The following PKD1 variants were observed in gnomAD, a reference collection of about 807,000 sequenced individuals.
PKD1 encodes the protein polycystin-1.
Under a neutral mutation model 361.7 loss-of-function variants are expected in PKD1, and 81 were observed. The observed-to-expected ratio is 0.22, with a 90% CI of 0.19 to 0.27. The LOEUF (loss-of-function observed/expected upper bound fraction) is 0.27. Among genes scored for constraint, PKD1 ranks in the 10% least tolerant of loss-of-function variants. PKD1 has a pLI of 1.00. For synonymous variants in PKD1, 3,615 were observed against 2,818.3 expected, an observed-to-expected ratio of 1.28 and a Z score of -8.95; for missense variants, 6,399 against 6,118.3, an observed-to-expected ratio of 1.05 and a Z score of -1.53.
At chr16:2,126,365 G>A (rs976525600) in intron 1 of PKD1, among the ~76,000 whole-genome samples, 1 of 152,268 alleles carries the variant, frequency 6.6e-6, no homozygotes, top group African/African-American at 2.4e-5. Context: ...AGATCATGGC[G>A]CTGCTAAGGT....
rs1203417892 is a variant in PKD1 at position 2,123,552 on chromosome 16, G to A, written c.216-4174C>T. The A allele has an allele frequency of 4.2e-5, 19 of 455,540 alleles. No individual in the cohort carries two copies. In the East Asian group the frequency reaches 1.0e-3, roughly 25 times the overall value. The allele number at this position is 455,540 out of a possible 1,614,324, so 28.2% of individuals were successfully genotyped here. A position where few individuals can be genotyped will look rare whatever the true frequency, so the allele number is the denominator to read the frequency against. On this transcript the variant is annotated intron_variant, in intron 1 of 45. Coordinates refer to ENST00000262304, the MANE Select transcript of PKD1 (RefSeq NM_001009944.3). ...CGCCAAGGCCTAGCCAGGCAGCCTC[G>A]CGCCAGCCCCCCCACCCCGCCCCTC...
rs2091471442 is a variant in PKD1, at chr16:2,090,757, A to C, written c.12055T>G (p.Leu4019Val). ...VRQWSVFGKTLCRALPELLGV... is the reference protein window; with the variant it reads ...VRQWSVFGKTVCRALPELLGV... The stretch of plus-strand genomic sequence containing the variant: ...AGGAGCTCTGGCAGAGCTCGGCATA[A>C]TGTCTTGCCAAAGACGGACCACTGG... The change falls in exon 44 of 46, where the codon TTA becomes GTA. Residue 4019 changes from leucine to valine, a missense_variant. Transcript: ENST00000262304. 1 of 1,612,458 alleles carries C rather than the reference A, an allele frequency of 6.2e-7. No individual in the cohort carries two copies. Among genetic ancestry groups the C allele is most frequent in the South Asian group, 1.1e-5 (1 of 91,092 alleles).
Position 2,088,899 on chromosome 16 carries a change from AGT to A in PKD1, c.*826_*827del. On this transcript the variant is annotated 3_prime_UTR_variant, in exon 46 of 46. Coordinates refer to ENST00000262304, the MANE Select transcript of PKD1 (RefSeq NM_001009944.3). ...CGCGCGCGCACACACACACACACAC[AGT>A]CACCTTCCTCCACCCTGGGAGCCAG... is the stretch of plus-strand genomic sequence containing the variant. The A allele has an allele frequency of 3.3e-5, 14 of 420,722 alleles. No homozygotes were observed. The highest frequency in any genetic ancestry group is 6.0e-5 in the African/African-American group (3 of 49,606). 26.1% of individuals were successfully genotyped at this position (420,722 alleles called of 1,614,324 possible). A position where few individuals can be genotyped will look rare whatever the true frequency, so the allele number is the denominator to read the frequency against.
At chr16:2,119,044 C>T (rs1183596940) in intron 3 of PKD1, 70 bp downstream of exon 3, 4 of 976,564 alleles carry the variant, frequency 4.1e-6, no homozygotes, top group East Asian at 2.6e-5. Context: ...CACGGACCAA[C>T]TGGGAGGGCA....
At chr16:2,094,036 G>C (rs541052149) in intron 35 of PKD1, 23 bp from the exon 36 acceptor site, 3 of 1,592,100 alleles carry the variant, frequency 1.9e-6, no homozygotes, top group Admixed American at 1.7e-5. Context: ...AGACAGACCT[G>C]TGAGAGGCAG....
chr16:2,110,428 T>C lies in PKD1; in HGVS notation c.4739A>G (p.Tyr1580Cys). 2.5e-6 allele frequency: 4 copies of C among 1,612,584 alleles called. No homozygotes were observed. The highest frequency in any genetic ancestry group is 3.4e-6 in the Non-Finnish European group (4 of 1,179,838). The change falls in exon 15 of 46, where the codon TAT (tyrosine) becomes TGT (cysteine). Residue 1580 changes from tyrosine to cysteine, a missense_variant. Transcript: ENST00000262304. Reference protein sequence around the residue: ...TSLEAGSDVRYSWVLCDRCTP... With the variant: ...TSLEAGSDVRCSWVLCDRCTP... ...GCAGCGGTCACAGAGCACCCAGGAA[T>C]AGCGCACATCACTGCCGGCCTCCAG...
chr16:2,092,695 G>C, intron 38 of PKD1, 103 bp from the exon 39 acceptor site: 2 of 920,740 alleles, frequency 2.2e-6, no homozygotes, highest in South Asian at 2.8e-5. Context: ...CTGCCCTGCT[G>C]GCCACGGCTA....
chr16:2,110,191 C>T lies in PKD1; in HGVS notation c.4976G>A (p.Gly1659Asp). Residue 1659 changes from glycine (G) to aspartate (D), a missense_variant, in exon 15 of 46, where the codon GGC becomes GAC. Gly to Asp is a moderately conservative substitution (Grantham distance 94). Coordinates refer to ENST00000262304, the MANE Select transcript of PKD1 (RefSeq NM_001009944.3). ...AGTCCAGCTGTAGGAGACGTTGGTG[C>T]CATCCCTAACCACGGCCTGCAGCTG... ...TVQLQAVVRD[G>D]TNVSYSWTAW... 3 of 1,611,296 alleles carry T rather than the reference C, an allele frequency of 1.9e-6. No individual in the cohort carries two copies. Among genetic ancestry groups the T allele is most frequent in the Non-Finnish European group, 2.5e-6 (3 of 1,179,776 alleles).
chr16:2,119,967 C>A, intron 1 of PKD1: 1 of 603,324 alleles, frequency 1.7e-6, no homozygotes, highest in African/African-American at 1.9e-5. Context: ...TAACACAGCA[C>A]CGTGGGAGCT....
chr16:2,089,721 G>T lies in PKD1; in HGVS notation c.*6C>A. On this transcript the variant is annotated 3_prime_UTR_variant, in exon 46 of 46. Coordinates refer to ENST00000262304, the MANE Select transcript of PKD1 (RefSeq NM_001009944.3). The stretch of plus-strand genomic sequence containing the variant: ...CTCCACGGCCCACCCCCGCCAGGAA[G>T]GAGGACTAAGTGCTGCTGGGGTGGA... 1 of 1,576,882 alleles carries T rather than the reference G, an allele frequency of 6.3e-7. No homozygotes were observed. Among genetic ancestry groups the T allele is most frequent in the East Asian group, 2.3e-5 (1 of 43,572 alleles).
In PKD1 at chr16:2,108,758, C is replaced by A; in HGVS notation, c.6409G>T (p.Ala2137Ser). Residue 2137 changes from alanine to serine, a missense_variant, in exon 15 of 46, where the codon GCC becomes TCC. Transcript: ENST00000262304. The part of the protein sequence containing the change: ...SNLVSFFVAQ[A>S]TVTVQVLACR... ...GCCAGCACCTGGACGGTCACCGTGG[C>A]CTGCGCCACGAAGAAGCTCACCAGG... The A allele has an allele frequency of 6.4e-7, 1 of 1,570,384 alleles. No individual in the cohort carries two copies. Among genetic ancestry groups the A allele is most frequent in the Non-Finnish European group, 8.6e-7 (1 of 1,159,072 alleles).
intron 26 of PKD1, 60 bp downstream of exon 26, chr16:2,102,001 G>A: frequency 2.8e-6 from 3 of 1,089,514 alleles, no homozygotes; most frequent in Admixed American, 2.0e-5. Context: ...CTCCCAGAGG[G>A]TGCAACCAGC....
Position 2,100,982 on chromosome 16 carries a change from GTATT to G in PKD1, c.9398-420_9398-417del, listed in dbSNP as rs1377860846. On this transcript the variant is annotated intron_variant, in intron 26 of 45. Coordinates refer to ENST00000262304, the MANE Select transcript of PKD1 (RefSeq NM_001009944.3). This position sits in a 1 kb window ranked among gnomAD's most constrained non-coding sequence, Gnocchi z 4.4. ...CTCCCAGTGACAGACCCAGGTGACA[GTATT>G]TTTTTTCTTTTTTTTTTGAGATGGA... 1.3e-5 allele frequency among the ~76,000 whole-genome samples: 2 copies of G among 152,024 alleles called. No individual in the cohort carries two copies. The highest frequency in any genetic ancestry group is 2.9e-5 in the Non-Finnish European group (2 of 68,014).
rs558240398 is a variant in PKD1 at position 2,091,138 on chromosome 16, C to A, written c.11749G>T (p.Ala3917Ser). 2 of 1,483,088 alleles carry A rather than the reference C, an allele frequency of 1.3e-6. No individual in the cohort carries two copies. Among genetic ancestry groups the A allele is most frequent in the Non-Finnish European group, 1.8e-6 (2 of 1,124,512 alleles). The allele number at this position is 1,483,088 out of a possible 1,614,324, so 91.9% of individuals were successfully genotyped here. The change falls in exon 43 of 46, where the codon GCC becomes TCC. Residue 3917 changes from alanine (A) to serine (S), a missense_variant. Physicochemically the swap from Ala to Ser is moderately conservative, Grantham distance 99. Transcript: ENST00000262304. ...LLLFAVHFAV[A>S]EARTWHREGR... ...TCCCTGTGCCAAGTACGGGCCTCGG[C>A]CACGGCGAAGTGCACGGCGAACAGC...
rs752787455 is a variant in PKD1 at position 2,089,982 on chromosome 16, G to A, written c.12657C>T (p.Phe4219=). The A allele has an allele frequency of 9.9e-6, 16 of 1,611,780 alleles. No homozygotes were observed. Among genetic ancestry groups the A allele is most frequent in the East Asian group, 6.7e-5 (3 of 44,838 alleles). ...GGTCAAACTGGGTGAGCAGGGCCTC[G>A]AACACGGCTTGGAGGCGGGAGGGCT... ...EPEPSRLQAV[F]EALLTQFDRL... is the part of the protein sequence containing the mutation. Residue 4219 remains phenylalanine, a synonymous_variant, in exon 46 of 46, where the codon TTC becomes TTT. Transcript: ENST00000262304.
chr16:2,119,155 T>G lies in PKD1; in HGVS notation c.318A>C (p.Leu106Phe). 1 of 1,505,876 alleles carries G rather than the reference T, an allele frequency of 6.6e-7. No individual in the cohort carries two copies. The highest frequency in any genetic ancestry group is 2.3e-4 in the Middle Eastern group (1 of 4,260). 93.3% of individuals were successfully genotyped at this position (1,505,876 alleles called of 1,614,324 possible). Residue 106 changes from leucine (L) to phenylalanine (F), a missense_variant, in exon 3 of 46, where the codon TTA (leucine) becomes TTC (phenylalanine). Leu to Phe is a conservative substitution (Grantham distance 22). Transcript: ENST00000262304. The stretch of plus-strand genomic sequence containing the variant: ...ATAAATTAGCAAATATTCCTTCTTC[T>G]AACGTAGAAATCTTGTTGTTGCTTA... Reference protein sequence around the residue: ...LDISNNKISTLEEGIFANLFN... With the variant: ...LDISNNKISTFEEGIFANLFN...
rs765414452 is a variant in PKD1, at chr16:2,090,524, T to A, written c.12205A>T (p.Thr4069Ser). The A allele has an allele frequency of 4.6e-5, 74 of 1,610,460 alleles. No individual in the cohort carries two copies. The highest frequency in any genetic ancestry group is 6.7e-5 in the Admixed American group (4 of 59,842). Residue 4069 changes from threonine to serine, a missense_variant, in exon 45 of 46, where the codon ACT (threonine) becomes TCT (serine). Physicochemically the swap from Thr to Ser is moderately conservative, Grantham distance 58. Coordinates refer to ENST00000262304, the MANE Select transcript of PKD1 (RefSeq NM_001009944.3). ...AQALLVLCPG[T>S]GLSTLCPAES... Reference sequence around the variant, plus strand: ...GCAGGACACAGGGTAGAGAGCCCAGTCCCAGGGCACAGCACCAACAGGGCC... The same window carrying A: ...GCAGGACACAGGGTAGAGAGCCCAGACCCAGGGCACAGCACCAACAGGGCC...
rs1175168891 is a variant in PKD1, at chr16:2,116,101, G to A, written c.1740C>T (p.Gly580=). ...HEPVEVMVFP[G]LRLSREAFLT... is the part of the protein sequence containing the mutation. ...GGAAGGCTTCACGGCTCAGACGCAG[G>A]CCCGGGAATACCATGACCTGGTGGG... The change falls in exon 9 of 46, where the codon GGC becomes GGT. Residue 580 remains glycine, a synonymous_variant. Coordinates refer to ENST00000262304, the MANE Select transcript of PKD1 (RefSeq NM_001009944.3). 6 of 1,548,722 alleles carry A rather than the reference G, an allele frequency of 3.9e-6. No individual in the cohort carries two copies. Among genetic ancestry groups the A allele is most frequent in the Non-Finnish European group, 5.3e-6 (6 of 1,139,976 alleles).
chr16:2,112,698 G>T, intron 13 of PKD1, 90 bp downstream of exon 13: 1 of 1,414,188 alleles, frequency 7.1e-7, no homozygotes, highest in Non-Finnish European at 9.7e-7. Context: ...GCTCAGAAAA[G>T]CAACCCCGTG....
Sources: gnomAD v4.1 joint callset for allele counts (sites outside exome capture counted in the v4.1 genomes callset) on GRCh38, gnomAD v4.1.1 for gene constraint, Gnocchi (gnomAD v3.1) non-coding constraint, MANE v1.5 for transcripts, NCBI Gene and HGNC (gene_info 2026-07-23, HGNC 2026-07-21) for gene names.